RSPH14: variants seen among roughly 807,000 people sequenced by gnomAD.
RSPH14 encodes rhabdoid tumor deletion region gene 1.
In RSPH14, 20 loss-of-function variants were observed where a neutral mutation model predicts 26.7. That is an observed-to-expected ratio of 0.75 (90% confidence interval 0.53 to 1.09). The LOEUF (loss-of-function observed/expected upper bound fraction) is 1.09, where lower values mean the gene tolerates loss of function less well. Ranked by LOEUF, RSPH14 falls within the 50% of genes least tolerant of loss-of-function variation. The pLI, the probability that RSPH14 is intolerant of heterozygous loss-of-function variation, is 0.00. For synonymous variants in RSPH14, 177 were observed against 189.3 expected, an observed-to-expected ratio of 0.93 and a Z score of 0.53; for missense variants, 449 against 457.2, an observed-to-expected ratio of 0.98 and a Z score of 0.16.
chr22:23,069,365 A>G (rs926446462), intron 4 of RSPH14, among the ~76,000 whole-genome samples: 1 of 152,222 alleles, frequency 6.6e-6, no homozygotes, highest in Non-Finnish European at 1.5e-5. Flanking sequence ...TCAGATTTAC[A>G]AAGATGGAGA....
chr22:23,114,523 G>C (rs982168812), intron 4 of RSPH14, among the ~76,000 whole-genome samples: 2 of 151,640 alleles, frequency 1.3e-5, no homozygotes, highest in Non-Finnish European at 2.9e-5. Flanking sequence ...ATTACCCCTC[G>C]CCCCCTGCAT....
chr22:23,119,112 C>T (rs1054958785), intron 4 of RSPH14, among the ~76,000 whole-genome samples: 7 of 152,254 alleles, frequency 4.6e-5, no homozygotes, highest in African/African-American at 7.2e-5. Context: ...TTCAAATAGA[C>T]GGCTCTGTTT....
intron 4 of RSPH14, among the ~76,000 whole-genome samples, chr22:23,083,526 C>T (rs2068734657): frequency 6.6e-6 from 1 of 152,186 alleles, no homozygotes; most frequent in African/African-American, 2.4e-5. Flanking sequence ...TTCTGCGAAT[C>T]TTTCACAGAG....
chr22:23,104,944 G>A (rs2069418459), intron 4 of RSPH14, among the ~76,000 whole-genome samples: 1 of 152,250 alleles, frequency 6.6e-6, no homozygotes, highest in African/African-American at 2.4e-5. Flanking sequence ...AGTGAAAGGT[G>A]TTTCTTCTCT....
intron 5 of RSPH14, 112 bp downstream of exon 5, chr22:23,063,790 C>A: frequency 1.1e-6 from 1 of 951,310 alleles, no homozygotes. Flanking sequence ...CCCCTGGGCA[C>A]AAGCAGGCAA....
At chr22:23,108,048 G>A (rs1422946447) in intron 4 of RSPH14, among the ~76,000 whole-genome samples, 2 of 152,136 alleles carry the variant, frequency 1.3e-5, no homozygotes, top group African/African-American at 4.8e-5. Context: ...CTGGGTGTGA[G>A]GCCTGTGCCC....
At chr22:23,095,980 C>G (rs938228823) in intron 4 of RSPH14, 1 of 1,610,556 alleles carries the variant, frequency 6.2e-7, no homozygotes, top group Non-Finnish European at 8.5e-7. Flanking sequence ...GGATCGACTT[C>G]CACAACCCCG....
the RSPH14 span, among the ~76,000 whole-genome samples, chr22:23,150,596 C>T: frequency 6.6e-6 from 1 of 152,154 alleles, no homozygotes; most frequent in Non-Finnish European, 1.5e-5. Context: ...CCACCGTGCC[C>T]AGCCAGATGA....
At chr22:23,147,049 A>G (rs2070816759), upstream of RSPH14, among the ~76,000 whole-genome samples, 1 of 152,192 alleles carries the variant, frequency 6.6e-6, no homozygotes, top group Non-Finnish European at 1.5e-5. Context: ...TGCCTGGCTC[A>G]TGGTATGCAG....
intron 4 of RSPH14, among the ~76,000 whole-genome samples, chr22:23,113,309 C>T (rs2069712522): frequency 6.6e-6 from 1 of 152,238 alleles, no homozygotes; most frequent in African/African-American, 2.4e-5. Flanking sequence ...CCCCGGCTCC[C>T]ACCCCAGCAC....
intron 4 of RSPH14, among the ~76,000 whole-genome samples, chr22:23,079,273 TG>T (rs2068604463): frequency 6.6e-6 from 1 of 152,138 alleles, no homozygotes; most frequent in South Asian, 2.1e-4. Context: ...GTAAATAGGA[TG>T]GGCAGGGAGG....
At chr22:23,117,168 G>A (rs2069866040) in intron 4 of RSPH14, among the ~76,000 whole-genome samples, 1 of 152,152 alleles carries the variant, frequency 6.6e-6, no homozygotes, top group Non-Finnish European at 1.5e-5. Flanking sequence ...GTAACTGGAA[G>A]AGCCTGGTAC....
chr22:23,138,572 GAAAA>G (rs2070522803), intron 3 of RSPH14, among the ~76,000 whole-genome samples: 1 of 151,624 alleles, frequency 6.6e-6, no homozygotes, highest in Admixed American at 6.6e-5. Context: ...AAAAAAGAAA[GAAAA>G]GAAAGAGAGA....
chr22:23,094,412 G>A (rs1369228477), intron 4 of RSPH14, among the ~76,000 whole-genome samples: 6 of 152,124 alleles, frequency 3.9e-5, no homozygotes, highest in African/African-American at 7.2e-5. Context: ...CCTGACTCGC[G>A]GGGTTGGTGA....
chr22:23,092,837 T>TA (rs2069022137), intron 4 of RSPH14, among the ~76,000 whole-genome samples: 1 of 152,214 alleles, frequency 6.6e-6, no homozygotes. Flanking sequence ...CGCCTGGCTG[T>TA]ACCTCAGATT....
the RSPH14 span, chr22:23,179,756 A>T: frequency 1.6e-5 from 3 of 186,414 alleles, no homozygotes; most frequent in Admixed American, 6.1e-5. Context: ...GGCCCGCTGA[A>T]ACAAGGGTGC....
chr22:23,128,060 C>T lies in RSPH14; in HGVS notation c.421+5966G>A, dbSNP rs2070228274. Among the ~76,000 whole-genome samples, 3 of 152,086 alleles carry T rather than the reference C, an allele frequency of 2.0e-5. No individual in the cohort carries two copies. The South Asian group carries it at 6.2e-4, about 31-fold the overall frequency. Reference sequence around the variant, plus strand: ...GCTGGGCTGGGGTCTCAGAGCCTGGCACAAGGAGAGGGAGACTGGAGGCAG... The same window carrying T: ...GCTGGGCTGGGGTCTCAGAGCCTGGTACAAGGAGAGGGAGACTGGAGGCAG... On this transcript the variant is annotated intron_variant, in intron 4 of 6. Coordinates refer to ENST00000216036, the MANE Select transcript of RSPH14 (RefSeq NM_014433.3).
At chr22:23,085,479 C>T (rs2146285621) in intron 4 of RSPH14, among the ~76,000 whole-genome samples, 1 of 152,298 alleles carries the variant, frequency 6.6e-6, no homozygotes, top group East Asian at 1.9e-4. Context: ...AGGCCTCAGG[C>T]CTGGGCGCAC....
intron 4 of RSPH14, among the ~76,000 whole-genome samples, chr22:23,084,500 G>A (rs1429225627): frequency 6.6e-6 from 1 of 152,186 alleles, no homozygotes; most frequent in African/African-American, 2.4e-5. Flanking sequence ...CCTAAGTCAA[G>A]GAGCATCTGT....
Sources: allele counts gnomAD v4.1 joint callset (sites outside exome capture counted in the v4.1 genomes callset), GRCh38; gene constraint gnomAD v4.1.1; transcripts MANE v1.5; gene names NCBI Gene and HGNC (gene_info 2026-07-23, HGNC 2026-07-21).